EML1: variants seen among roughly 807,000 people sequenced by gnomAD.
The protein encoded by EML1 is EMAP like 1.
Under a neutral mutation model 110.4 loss-of-function variants are expected in EML1, and 27 were observed. The ratio of observed to expected loss-of-function variants is 0.24; its 90% CI spans 0.18 to 0.34. The LOEUF (loss-of-function observed/expected upper bound fraction) is 0.34, where lower values mean the gene tolerates loss of function less well. Among genes scored for constraint, EML1 ranks in the 10% least tolerant of loss-of-function variants. EML1 has a pLI of 1.00. For synonymous variants in EML1, 344 were observed against 385.8 expected, an observed-to-expected ratio of 0.89 and a Z score of 1.27; for missense variants, 741 against 1,030.9, an observed-to-expected ratio of 0.72 and a Z score of 3.85.
chr14:99,873,806 A>G (rs950255011), intron 3 of EML1, among the ~76,000 whole-genome samples: 1 of 152,256 alleles, frequency 6.6e-6, no homozygotes, highest in Non-Finnish European at 1.5e-5. Flanking sequence ...TCAGTCTGTC[A>G]GAATTATCTC....
chr14:99,812,160 T>C (rs1013088200), intron 1 of EML1, among the ~76,000 whole-genome samples: 39 of 151,852 alleles, frequency 2.6e-4, no homozygotes, highest in Admixed American at 2.6e-3. Context: ...GTTTAATAGG[T>C]GAACAGTACG....
intron 1 of EML1, among the ~76,000 whole-genome samples, chr14:99,808,416 C>T (rs539458249): frequency 6.6e-6 from 1 of 152,142 alleles, no homozygotes. Context: ...ATACCAGAAA[C>T]ATTTCTTCAT....
chr14:99,882,448 C>G (rs117812925), intron 4 of EML1, among the ~76,000 whole-genome samples: 1,660 of 152,168 alleles, frequency 0.011, 38 homozygotes, highest in African/African-American at 0.037. Context: ...ACTGTTTCAG[C>G]TTTACTGAAA....
chr14:99,781,801 C>T lies in EML1; in HGVS notation c.-27+7788C>T, dbSNP rs866362911. On this transcript the variant is annotated intron_variant, in intron 1 of 22. Transcript: ENST00000327921. This position sits in a 1 kb window ranked among gnomAD's most constrained non-coding sequence, Gnocchi z 4.2. ...GATGTCTCATCAGTTTCCAGACATA[C>T]TGAGTATGCATTTCTAGCCTCTTTC... 1.2e-4 allele frequency among the ~76,000 whole-genome samples: 18 copies of T among 152,130 alleles called. 1 individual carries two copies. The South Asian group carries it at 3.7e-3, about 32-fold the overall frequency.
intron 1 of EML1, 77 bp downstream of exon 1, chr14:99,793,620 G>A (rs2057711547): frequency 1.0e-6 from 1 of 956,210 alleles, no homozygotes; most frequent in African/African-American, 1.8e-5. Flanking sequence ...CGGGGACCAA[G>A]CCGAGGGGCC....
chr14:99,866,722 G>T (rs929331997), intron 3 of EML1, among the ~76,000 whole-genome samples: 1 of 151,852 alleles, frequency 6.6e-6, no homozygotes, highest in Admixed American at 6.6e-5. Flanking sequence ...TCTCCCCACT[G>T]CCCTTGGCAA....
At chr14:99,759,813 A>G (rs2057294881) in intron 1 of EML1, among the ~76,000 whole-genome samples, 1 of 152,170 alleles carries the variant, frequency 6.6e-6, no homozygotes, top group South Asian at 2.1e-4. Flanking sequence ...GCGTTCATGC[A>G]TCAAGAGCTG....
chr14:99,762,407 A>T (rs2057323938), intron 1 of EML1, among the ~76,000 whole-genome samples: 2 of 152,202 alleles, frequency 1.3e-5, no homozygotes, highest in South Asian at 4.1e-4. Context: ...TCCTCCAGCC[A>T]TTAACCCCTC....
At chr14:99,765,314 C>T (rs2057356311) in intron 1 of EML1, among the ~76,000 whole-genome samples, 1 of 152,084 alleles carries the variant, frequency 6.6e-6, no homozygotes, top group Non-Finnish European at 1.5e-5. Flanking sequence ...TCCTCACTCC[C>T]ATCCATCTCC....
chr14:99,872,341 C>T (rs1484693079), intron 3 of EML1, among the ~76,000 whole-genome samples: 3 of 152,122 alleles, frequency 2.0e-5, no homozygotes, highest in Admixed American at 2.0e-4. Flanking sequence ...TGAACGAACA[C>T]GTGAAAAATT....
chr14:99,770,859 A>T (rs1477901803), upstream of EML1, among the ~76,000 whole-genome samples: 2 of 135,852 alleles, frequency 1.5e-5, no homozygotes, highest in Non-Finnish European at 3.0e-5. Flanking sequence ...ATCTCGGCTC[A>T]GTGCAAGCTC....
At chr14:99,882,575 T>G (rs2059402999) in intron 4 of EML1, among the ~76,000 whole-genome samples, 1 of 150,986 alleles carries the variant, frequency 6.6e-6, no homozygotes, top group Non-Finnish European at 1.5e-5. Flanking sequence ...CCCTGGACTT[T>G]TGGCTTCCCC....
intron 4 of EML1, among the ~76,000 whole-genome samples, chr14:99,879,489 C>T (rs1303743723): frequency 6.6e-6 from 1 of 152,042 alleles, no homozygotes; most frequent in East Asian, 1.9e-4. Flanking sequence ...ATAAAGCAAT[C>T]GACTCCAACC....
intron 1 of EML1, among the ~76,000 whole-genome samples, chr14:99,760,387 C>A (rs2057302417): frequency 6.6e-6 from 1 of 152,142 alleles, no homozygotes; most frequent in African/African-American, 2.4e-5. Flanking sequence ...ACAAGCATTT[C>A]CCACATTGCT....
chr14:99,762,869 GA>G (rs1330356625), intron 1 of EML1, among the ~76,000 whole-genome samples: 11 of 152,206 alleles, frequency 7.2e-5, no homozygotes, highest in Non-Finnish European at 1.6e-4. Flanking sequence ...ACTGGTAGAA[GA>G]TAAGTTGTTA....
chr14:99,807,046 C>T (rs968970479), intron 1 of EML1, among the ~76,000 whole-genome samples: 7 of 151,982 alleles, frequency 4.6e-5, no homozygotes, highest in Admixed American at 2.6e-4. Flanking sequence ...TGCTTTTGTA[C>T]GTTTGGCACC....
At chr14:99,809,574 G>T in intron 1 of EML1, 1 of 453,718 alleles carries the variant, frequency 2.2e-6, no homozygotes, top group Non-Finnish European at 4.4e-6. Flanking sequence ...GTCCATCCCA[G>T]CCCTGGGTGT....
At chr14:99,844,156 C>T (rs2058672413) in intron 1 of EML1, among the ~76,000 whole-genome samples, 1 of 152,140 alleles carries the variant, frequency 6.6e-6, no homozygotes, top group Non-Finnish European at 1.5e-5. Flanking sequence ...ATAATAGCAA[C>T]CAATCCCAAC....
chr14:99,838,906 T>TGCGCGCGCGCGC (rs1555394663), intron 1 of EML1: 2 of 143,476 alleles, frequency 1.4e-5, no homozygotes, highest in South Asian at 2.2e-4. Context: ...GGTTGGGGAG[T>TGCGCGCGCGCGC]GCGCGCGCGC....
Sources: allele counts gnomAD v4.1 joint callset (sites outside exome capture counted in the v4.1 genomes callset), GRCh38; gene constraint gnomAD v4.1.1; non-coding constraint Gnocchi (gnomAD v3.1); transcripts MANE v1.5; gene names NCBI Gene and HGNC (gene_info 2026-07-23, HGNC 2026-07-21).